The following MDN1 variants were observed in gnomAD, a reference collection of about 807,000 sequenced individuals.
MDN1 encodes the protein midasin AAA ATPase 1.
MDN1 carries 266 observed loss-of-function variants against 669.2 expected under a neutral mutation model. The observed-to-expected ratio is 0.40, with a 90% CI of 0.36 to 0.44. The LOEUF (loss-of-function observed/expected upper bound fraction) is 0.44, where lower values mean the gene tolerates loss of function less well. Ranked by LOEUF, MDN1 falls within the 20% of genes least tolerant of loss-of-function variation. The probability of loss-of-function intolerance (pLI) is 1.00; values close to 1 mark genes in which losing one functional copy is unlikely to be tolerated. For missense variants in MDN1, 5,940 were observed against 6,754.0 expected, an observed-to-expected ratio of 0.88 and a Z score of 4.22; for synonymous variants, 2,385 against 2,457.1, an observed-to-expected ratio of 0.97 and a Z score of 0.87.
At chr6:89,651,485 A>C (rs1243715843) in intron 95 of MDN1, among the ~76,000 whole-genome samples, 2 of 152,054 alleles carry the variant, frequency 1.3e-5, no homozygotes, top group African/African-American at 2.4e-5. Flanking sequence ...GCGTGGTGGC[A>C]AGTGCCTGTA....
At chr6:89,731,641 G>C (rs1420867353) in intron 34 of MDN1, among the ~76,000 whole-genome samples, 1 of 152,074 alleles carries the variant, frequency 6.6e-6, no homozygotes, top group African/African-American at 2.4e-5. Flanking sequence ...GAGAGCATTA[G>C]GACAAATACC....
chr6:89,747,751 C>T (rs368922614), intron 26 of MDN1, among the ~76,000 whole-genome samples: 42 of 150,940 alleles, frequency 2.8e-4, no homozygotes, highest in Non-Finnish European at 3.3e-4. Flanking sequence ...ATTAGCCGGG[C>T]GTGGTGGCGG....
At chr6:89,680,537 G>A (rs943084753) in intron 74 of MDN1, 52 bp downstream of exon 74, 18 of 1,588,910 alleles carry the variant, frequency 1.1e-5, no homozygotes, top group East Asian at 4.5e-5. Context: ...GCCCTCCTGC[G>A]CCACTGGGGA....
intron 1 of MDN1, among the ~76,000 whole-genome samples, chr6:89,806,943 T>C (rs1768064258): frequency 6.6e-6 from 1 of 151,922 alleles, no homozygotes; most frequent in African/African-American, 2.4e-5. Flanking sequence ...AAAATATAAA[T>C]TTCATTCCCC....
intron 90 of MDN1, 91 bp from the exon 91 acceptor site, chr6:89,656,892 G>T: frequency 9.4e-7 from 1 of 1,067,518 alleles, no homozygotes; most frequent in Non-Finnish European, 1.4e-6. Flanking sequence ...TTCTCTCACT[G>T]CTGTCCTTTA....
chr6:89,807,200 C>G (rs1284112967), intron 1 of MDN1, among the ~76,000 whole-genome samples: 1 of 152,154 alleles, frequency 6.6e-6, no homozygotes, highest in Non-Finnish European at 1.5e-5. Flanking sequence ...GATCCTCCTG[C>G]CTCATCCTGC....
chr6:89,665,216 C>T lies in MDN1; in HGVS notation c.14095-588G>A, dbSNP rs143702933. On this transcript the variant is annotated intron_variant, in intron 84 of 101. Transcript: ENST00000369393. Reference sequence around the variant, plus strand: ...CTAATTTTTTATTTTTTGCTAGAGACGTGGCCTTGCAATGTTGCCCAGGCT... The same window carrying T: ...CTAATTTTTTATTTTTTGCTAGAGATGTGGCCTTGCAATGTTGCCCAGGCT... Among the ~76,000 whole-genome samples, 255 of 152,080 alleles carry T rather than the reference C, an allele frequency of 1.7e-3. 1 individual carries two copies. Among genetic ancestry groups the T allele is most frequent in the Middle Eastern group, 6.8e-3 (2 of 294 alleles).
chr6:89,644,933 T>C, intron 101 of MDN1, 82 bp downstream of exon 101: 1 of 1,426,434 alleles, frequency 7.0e-7, no homozygotes, highest in East Asian at 2.3e-5. Flanking sequence ...GACTGAGTGA[T>C]CCAGGCCATA....
At chr6:89,665,029 A>G (rs1229048978) in intron 84 of MDN1, among the ~76,000 whole-genome samples, 1 of 152,058 alleles carries the variant, frequency 6.6e-6, no homozygotes, top group Admixed American at 6.6e-5. Context: ...TTCTATAAAA[A>G]ATTATTTTTT....
intron 1 of MDN1, among the ~76,000 whole-genome samples, chr6:89,818,470 C>A (rs1015172568): frequency 1.3e-5 from 2 of 148,642 alleles, no homozygotes; most frequent in Non-Finnish European, 3.0e-5. Flanking sequence ...CTTACAACTA[C>A]AAAAAAAAAA....
At chr6:89,710,335 A>T (rs986674119) in intron 50 of MDN1, among the ~76,000 whole-genome samples, 1 of 152,064 alleles carries the variant, frequency 6.6e-6, no homozygotes, top group Non-Finnish European at 1.5e-5. Context: ...TTTTTACTCC[A>T]TGGCATATCA....
chr6:89,748,789 GT>G (rs1816800239), intron 26 of MDN1, among the ~76,000 whole-genome samples: 5 of 151,988 alleles, frequency 3.3e-5, no homozygotes, highest in Admixed American at 3.3e-4. Flanking sequence ...GCCAAGAACT[GT>G]GGTTCACACC....
chr6:89,653,782 A>G (rs1365277909), intron 93 of MDN1, among the ~76,000 whole-genome samples: 1 of 152,174 alleles, frequency 6.6e-6, no homozygotes, highest in Non-Finnish European at 1.5e-5. Flanking sequence ...TTCTTTTAAT[A>G]TTTTACTGCA....
intron 40 of MDN1, among the ~76,000 whole-genome samples, chr6:89,720,291 T>C (rs1814723754): frequency 6.6e-6 from 1 of 151,122 alleles, no homozygotes; most frequent in Admixed American, 6.6e-5. Context: ...AAATTACAAA[T>C]ATTGCTACTC....
intron 33 of MDN1, among the ~76,000 whole-genome samples, chr6:89,734,691 A>AGAGAGAGAGGG (rs370691129): frequency 8.8e-6 from 1 of 112,996 alleles, no homozygotes; most frequent in East Asian, 3.4e-4. Flanking sequence ...AAAAAAAAAC[A>AGAGAGAGAGGG]AGAGAGAGAG....
chr6:89,686,590 A>T (rs1584188038), intron 69 of MDN1, among the ~76,000 whole-genome samples: 1 of 152,262 alleles, frequency 6.6e-6, no homozygotes. Context: ...ACTACCTACC[A>T]AAAAGTCAGC....
intron 10 of MDN1, 106 bp from the exon 11 acceptor site, chr6:89,780,399 ACTTT>A (rs1446090898): frequency 5.5e-6 from 3 of 542,226 alleles, no homozygotes; most frequent in Non-Finnish European, 9.3e-6. Context: ...ATACCTGATA[ACTTT>A]CTTCTTTCTT....
chr6:89,654,215 C>T lies in MDN1; in HGVS notation c.15610G>A (p.Val5204Met), dbSNP rs1041092380. The change falls in exon 93 of 102, where the codon GTG (valine) becomes ATG (methionine). Residue 5204 changes from valine (V) to methionine (M), a missense_variant. This residue lies in a region of MDN1 where 2,280 missense variants were observed against 2,576.3 expected (regional missense o/e 0.88). Coordinates refer to ENST00000369393, the MANE Select transcript of MDN1 (RefSeq NM_014611.3). Reference protein sequence around the residue: ...EEQEEFKAADVEQLKPEEIKS... With the variant: ...EEQEEFKAADMEQLKPEEIKS... ...ATTTCCTCTGGCTTCAGCTGCTCCA[C>T]GTCTGCTGCTTTGAACTCCTCCTGC... 2.5e-6 allele frequency: 4 copies of T among 1,614,240 alleles called. No individual in the cohort carries two copies. Among genetic ancestry groups the T allele is most frequent in the East Asian group, 4.5e-5 (2 of 44,886 alleles).
In MDN1 at chr6:89,645,004, T is replaced by C; in HGVS notation, c.16602+11A>G. 6.3e-7 allele frequency: 1 copy of C among 1,577,880 alleles called. No homozygotes were observed. Among genetic ancestry groups the C allele is most frequent in the Admixed American group, 1.7e-5 (1 of 59,178 alleles). ...TACCTCCAGAAAAGGTGGCTTTTAG[T>C]AGTCACTCACCCGTGAACTGGGATT... On this transcript the variant is annotated intron_variant, in intron 101 of 101. Coordinates refer to ENST00000369393, the MANE Select transcript of MDN1 (RefSeq NM_014611.3).
Sources: allele counts gnomAD v4.1 joint callset (sites outside exome capture counted in the v4.1 genomes callset), GRCh38; gene constraint gnomAD v4.1.1; regional missense constraint gnomAD v4.1.1; transcripts MANE v1.5; gene names NCBI Gene and HGNC (gene_info 2026-07-23, HGNC 2026-07-21).